Variants in CHST9 observed in about 807,000 individuals in gnomAD.
The protein encoded by CHST9 is carbohydrate sulfotransferase 9.
Under a neutral mutation model 44.4 loss-of-function variants are expected in CHST9, and 41 were observed. The observed-to-expected ratio is 0.92, with a 90% CI of 0.72 to 1.20. CHST9 has a LOEUF of 1.20. Ranked by LOEUF, CHST9 falls within the 50% of genes most tolerant of loss-of-function variation. The pLI, the probability that CHST9 is intolerant of heterozygous loss-of-function variation, is 0.00. For synonymous variants in CHST9, 171 were observed against 178.4 expected, an observed-to-expected ratio of 0.96 and a Z score of 0.33; for missense variants, 504 against 516.5, an observed-to-expected ratio of 0.98 and a Z score of 0.23.
chr18:27,100,737 G>A (rs1415339352), intron 2 of CHST9, among the ~76,000 whole-genome samples: 2 of 152,122 alleles, frequency 1.3e-5, no homozygotes, highest in African/African-American at 4.8e-5. Context: ...TATATTATAT[G>A]GGCAACAAAT....
At chr18:27,168,082 T>TTC (rs1405910701) in intron 1 of CHST9, among the ~76,000 whole-genome samples, 1 of 151,038 alleles carries the variant, frequency 6.6e-6, no homozygotes, top group Non-Finnish European at 1.5e-5. Context: ...TACCTATTTT[T>TTC]TTTTTTTTTT....
At chr18:27,024,444 G>T (rs1005833923) in intron 3 of CHST9, among the ~76,000 whole-genome samples, 3 of 152,086 alleles carry the variant, frequency 2.0e-5, no homozygotes, top group Admixed American at 6.5e-5. Flanking sequence ...GCCAGGGACT[G>T]GGGGGTGGGT....
intron 4 of CHST9, among the ~76,000 whole-genome samples, chr18:26,997,154 C>G (rs528698965): frequency 3.3e-5 from 5 of 152,034 alleles, no homozygotes; most frequent in Non-Finnish European, 5.9e-5. Flanking sequence ...ATGTTACTGA[C>G]AGGGCTATAG....
chr18:27,087,812 T>C (rs1397549873), intron 2 of CHST9, among the ~76,000 whole-genome samples: 2 of 152,196 alleles, frequency 1.3e-5, no homozygotes, highest in Non-Finnish European at 2.9e-5. Context: ...CGAATGGCCT[T>C]TGTGAAAAGG....
intron 4 of CHST9, among the ~76,000 whole-genome samples, chr18:26,949,664 G>T (rs1424348869): frequency 6.6e-6 from 1 of 152,172 alleles, no homozygotes; most frequent in Non-Finnish European, 1.5e-5. Context: ...TTGAATAATG[G>T]CCCCCAACAT....
chr18:27,053,481 T>G (rs992512960), intron 2 of CHST9, among the ~76,000 whole-genome samples: 1 of 152,114 alleles, frequency 6.6e-6, no homozygotes, highest in Non-Finnish European at 1.5e-5. Context: ...GTCCAATACA[T>G]TCCCCTCCAT....
chr18:26,939,937 C>T (rs539338520), intron 5 of CHST9, among the ~76,000 whole-genome samples: 1 of 152,152 alleles, frequency 6.6e-6, no homozygotes. Flanking sequence ...CCACTCCATA[C>T]CCCCTCCCCA....
At chr18:26,954,010 T>C (rs1170758096) in intron 4 of CHST9, among the ~76,000 whole-genome samples, 1 of 152,150 alleles carries the variant, frequency 6.6e-6, no homozygotes, top group Non-Finnish European at 1.5e-5. Context: ...CCATTATAGA[T>C]CTGCACATGT....
intron 2 of CHST9, among the ~76,000 whole-genome samples, chr18:27,097,534 G>T (rs2058129194): frequency 6.6e-6 from 1 of 152,030 alleles, no homozygotes; most frequent in South Asian, 2.1e-4. Flanking sequence ...ACTGATAAAT[G>T]ACTTTACTAT....
chr18:26,995,725 T>C (rs367939008), intron 4 of CHST9, among the ~76,000 whole-genome samples: 94 of 152,326 alleles, frequency 6.2e-4, no homozygotes, highest in African/African-American at 2.1e-3. Context: ...TCATTAACAC[T>C]TATAAATTGA....
chr18:27,100,439 T>C (rs928975230), intron 2 of CHST9, among the ~76,000 whole-genome samples: 1 of 151,950 alleles, frequency 6.6e-6, no homozygotes, highest in East Asian at 1.9e-4. Flanking sequence ...GATAAATAAG[T>C]GCTAGCAGTA....
intron 2 of CHST9, among the ~76,000 whole-genome samples, chr18:27,068,708 G>A (rs1237821503): frequency 6.6e-6 from 1 of 152,126 alleles, no homozygotes; most frequent in Non-Finnish European, 1.5e-5. Context: ...AAGTTTCTTT[G>A]GGATGCCTCA....
At chr18:27,052,138 T>C (rs571448670) in intron 2 of CHST9, among the ~76,000 whole-genome samples, 5 of 152,186 alleles carry the variant, frequency 3.3e-5, no homozygotes, top group Non-Finnish European at 7.4e-5. Flanking sequence ...GCTTTGTAAA[T>C]TGTAGAGTGC....
chr18:27,056,496 C>A (rs1219294821), intron 2 of CHST9, among the ~76,000 whole-genome samples: 2 of 152,110 alleles, frequency 1.3e-5, no homozygotes, highest in Non-Finnish European at 2.9e-5. Flanking sequence ...TCATTTTAAT[C>A]TAAGGTGAAT....
chr18:26,953,446 A>G (rs151082043), intron 4 of CHST9, among the ~76,000 whole-genome samples: 9 of 152,226 alleles, frequency 5.9e-5, no homozygotes, highest in African/African-American at 2.2e-4. Flanking sequence ...GTTATAAAGG[A>G]ACATTAAACT....
intron 2 of CHST9, among the ~76,000 whole-genome samples, chr18:27,093,906 A>G (rs1483893413): frequency 2.0e-5 from 3 of 151,856 alleles, no homozygotes; most frequent in Non-Finnish European, 2.9e-5. Context: ...TTTTTTAAAC[A>G]AAGAGGCTGA....
chr18:26,995,234 T>A (rs2145215680), intron 4 of CHST9, among the ~76,000 whole-genome samples: 1 of 135,018 alleles, frequency 7.4e-6, no homozygotes, highest in South Asian at 2.3e-4. Flanking sequence ...CAATCCTGGC[T>A]AACACGGTGA....
At chr18:27,030,638 A>AC (rs1418980679) in intron 3 of CHST9, among the ~76,000 whole-genome samples, 2 of 152,140 alleles carry the variant, frequency 1.3e-5, no homozygotes, top group African/African-American at 4.8e-5. Flanking sequence ...CATGTGCCAG[A>AC]CCCCCTGTGC....
intron 3 of CHST9, among the ~76,000 whole-genome samples, chr18:27,026,084 T>G (rs1038665287): frequency 1.6e-4 from 24 of 152,324 alleles, no homozygotes; most frequent in Non-Finnish European, 2.9e-4. Context: ...AGTCATTTCC[T>G]TAAAAAATGT....
Sources: gnomAD v4.1 joint callset for allele counts (sites outside exome capture counted in the v4.1 genomes callset) on GRCh38, gnomAD v4.1.1 for gene constraint, MANE v1.5 for transcripts, NCBI Gene and HGNC (gene_info 2026-07-23, HGNC 2026-07-21) for gene names.